PKIB: variants seen among roughly 807,000 people sequenced by gnomAD.
PKIB encodes PKI-beta.
A neutral mutation model predicts 4.5 loss-of-function variants in PKIB; 2 were observed. The ratio of observed to expected loss-of-function variants is 0.44; its 90% CI spans 0.18 to 1.39. The LOEUF (loss-of-function observed/expected upper bound fraction) is 1.39, where lower values mean the gene tolerates loss of function less well. PKIB is among the 40% of genes most tolerant of loss of function. The pLI is 0.27. For missense variants in PKIB, 94 were observed against 92.6 expected (o/e 1.02, Z -0.06); for synonymous variants, 38 against 36.0 (o/e 1.06, Z -0.20).
At chr6:122,514,633 G>T (rs1776689956) in intron 2 of PKIB, among the ~76,000 whole-genome samples, 1 of 152,236 alleles carries the variant, frequency 6.6e-6, no homozygotes, top group African/African-American at 2.4e-5. Flanking sequence ...GCCTTGACCA[G>T]TCTCCTTTCC....
intron 2 of PKIB, among the ~76,000 whole-genome samples, chr6:122,517,972 TTA>T (rs1776814031): frequency 6.6e-6 from 1 of 152,202 alleles, no homozygotes; most frequent in South Asian, 2.1e-4. Context: ...CACCTTAAAA[TTA>T]GTCATATTTG....
chr6:122,584,514 C>A (rs2114714183), intron 2 of PKIB, among the ~76,000 whole-genome samples: 1 of 152,202 alleles, frequency 6.6e-6, no homozygotes, highest in Non-Finnish European at 1.5e-5. Context: ...TAGTGGGATT[C>A]TTTTCCACTG....
rs540965377 is a variant in PKIB at position 122,582,406 on chromosome 6, G to A, written c.-247-3515G>A. On this transcript the variant is annotated intron_variant, in intron 2 of 6. Coordinates refer to the PKIB transcript ENST00000392491. ...GTTGGCTCGTGGCTTTCATCCAGAT[G>A]AGAATGATTAGGAATGACTCCAAAG... Among the ~76,000 whole-genome samples, 67 of 152,140 alleles carry A rather than the reference G, an allele frequency of 4.4e-4. No individual in the cohort carries two copies. In the Middle Eastern group the frequency reaches 0.01, roughly 23 times the overall value.
intron 2 of PKIB, among the ~76,000 whole-genome samples, chr6:122,652,327 TGTGTGTGG>T (rs769372630): frequency 6.7e-5 from 5 of 74,530 alleles, no homozygotes; most frequent in Admixed American, 1.4e-4. Context: ...TGTGTGTGTG[TGTGTGTGG>T]AGAGAGAGAG....
chr6:122,714,663 T>C (rs1779406763), intron 3 of PKIB, among the ~76,000 whole-genome samples: 1 of 151,996 alleles, frequency 6.6e-6, no homozygotes, highest in Non-Finnish European at 1.5e-5. Flanking sequence ...CAACAGACAT[T>C]GGGGTTCACT....
intron 1 of PKIB, among the ~76,000 whole-genome samples, chr6:122,614,917 G>A (rs187431025): frequency 2.6e-5 from 4 of 152,004 alleles, no homozygotes; most frequent in African/African-American, 9.7e-5. Context: ...GGAGCTTCTG[G>A]AGCCAGGTAT....
At chr6:122,655,116 T>G (rs1220433613) in intron 2 of PKIB, among the ~76,000 whole-genome samples, 1 of 152,150 alleles carries the variant, frequency 6.6e-6, no homozygotes, top group Non-Finnish European at 1.5e-5. Flanking sequence ...GCCTCCCAAG[T>G]AGATTAGATC....
At chr6:122,584,975 CA>C (rs2114714863) in intron 2 of PKIB, among the ~76,000 whole-genome samples, 1 of 152,136 alleles carries the variant, frequency 6.6e-6, no homozygotes, top group Admixed American at 6.5e-5. Context: ...CTTTCCATGT[CA>C]ATAACCTAAC....
chr6:122,642,700 G>A (rs1003731012), intron 2 of PKIB, among the ~76,000 whole-genome samples: 2 of 152,152 alleles, frequency 1.3e-5, no homozygotes, highest in Non-Finnish European at 2.9e-5. Context: ...CTTGATTTCC[G>A]GCTAGTTAAT....
intron 2 of PKIB, among the ~76,000 whole-genome samples, chr6:122,635,363 A>G (rs1422660147): frequency 6.6e-6 from 1 of 152,148 alleles, no homozygotes; most frequent in African/African-American, 2.4e-5. Context: ...TTGAATAGAA[A>G]TGTTTGATGG....
Position 122,616,530 on chromosome 6 carries a change from GA to G in PKIB, c.-161+5998del, listed in dbSNP as rs1458493132. ...ATTAATTTTTGTTTAATATTTAAAG[GA>G]AAGCCTTTGTCCTATCTTTAGGAGT... On this transcript the variant is annotated intron_variant, in intron 1 of 4. Coordinates refer to ENST00000368452, the MANE Select transcript of PKIB (RefSeq NM_181795.3). Among the ~76,000 whole-genome samples the G allele has an allele frequency of 2.0e-5, 3 of 152,138 alleles. No homozygotes were observed. In the East Asian group the frequency reaches 5.8e-4, roughly 29 times the overall value.
intron 2 of PKIB, among the ~76,000 whole-genome samples, chr6:122,573,745 A>C (rs1483685740): frequency 6.6e-6 from 1 of 152,158 alleles, no homozygotes; most frequent in Non-Finnish European, 1.5e-5. Flanking sequence ...AACCCTCAGC[A>C]AAAATAGGCA....
At chr6:122,475,620 T>C (rs1775434360) in intron 1 of PKIB, among the ~76,000 whole-genome samples, 1 of 152,118 alleles carries the variant, frequency 6.6e-6, no homozygotes, top group South Asian at 2.1e-4. Context: ...ACCCTGTCTC[T>C]ACTAAAAATA....
chr6:122,661,327 A>G (rs1776980131), intron 2 of PKIB, among the ~76,000 whole-genome samples: 1 of 152,216 alleles, frequency 6.6e-6, no homozygotes, highest in Non-Finnish European at 1.5e-5. Flanking sequence ...GAGAAACCCT[A>G]TAAACATTAG....
chr6:122,641,040 A>T (rs1208044825), intron 2 of PKIB, among the ~76,000 whole-genome samples: 1 of 152,230 alleles, frequency 6.6e-6, no homozygotes, highest in Non-Finnish European at 1.5e-5. Context: ...GTCTGCTTAA[A>T]GTCTCCTTTA....
intron 2 of PKIB, among the ~76,000 whole-genome samples, chr6:122,663,830 T>C (rs1170367649): frequency 6.6e-6 from 1 of 152,188 alleles, no homozygotes; most frequent in Admixed American, 6.5e-5. Context: ...GTTTAATATA[T>C]TTTCGGGGGA....
At chr6:122,719,082 G>T (rs1191194699) in intron 4 of PKIB, among the ~76,000 whole-genome samples, 1 of 152,154 alleles carries the variant, frequency 6.6e-6, no homozygotes, top group African/African-American at 2.4e-5. Context: ...ACCATAGGAA[G>T]ATGTCGTTGC....
chr6:122,698,413 C>G (rs570615083), intron 3 of PKIB, among the ~76,000 whole-genome samples: 1 of 152,246 alleles, frequency 6.6e-6, no homozygotes, highest in South Asian at 2.1e-4. Flanking sequence ...GGGTGCTGCT[C>G]CAATGCATTA....
At chr6:122,603,329 G>C (rs1029101027) in intron 3 of PKIB, among the ~76,000 whole-genome samples, 4 of 152,154 alleles carry the variant, frequency 2.6e-5, no homozygotes, top group African/African-American at 9.7e-5. Context: ...TAAGGCATGA[G>C]AGACATCAGG....
Sources: gnomAD v4.1 joint callset for allele counts (sites outside exome capture counted in the v4.1 genomes callset) on GRCh38, gnomAD v4.1.1 for gene constraint, MANE v1.5 for transcripts, NCBI Gene and HGNC (gene_info 2026-07-23, HGNC 2026-07-21) for gene names.